HERC5: variants seen among roughly 807,000 people sequenced by gnomAD.
HERC5 encodes the protein E3 ISG15--protein ligase HERC5.
Under a neutral mutation model 119.6 loss-of-function variants are expected in HERC5, and 99 were observed. The observed-to-expected ratio is 0.83, with a 90% CI of 0.70 to 0.98. The LOEUF is 0.98. Ranked by LOEUF, HERC5 falls within the 50% of genes least tolerant of loss-of-function variation. The pLI, the probability that HERC5 is intolerant of heterozygous loss-of-function variation, is 0.00. For missense variants in HERC5, 1,267 were observed against 1,241.3 expected (o/e 1.02, Z -0.31); for synonymous variants, 478 against 445.9 (o/e 1.07, Z -0.91).
In HERC5 at chr4:88,472,505, A is replaced by G; in HGVS notation, c.1392+3A>G. On this transcript the variant is annotated splice_donor_region_variant and intron_variant, in intron 11 of 22. Transcript: ENST00000264350. ...AAAAGGACTGGATTACTAACATGGT[A>G]TCTTCAGATTGTTATGTGGAGAAAG... 7.4e-6 allele frequency: 11 copies of G among 1,493,460 alleles called. No homozygotes were observed. The highest frequency in any genetic ancestry group is 1.8e-5 in the Admixed American group (1 of 56,442). 92.5% of individuals were successfully genotyped at this position (1,493,460 alleles called of 1,614,324 possible). A position where few individuals can be genotyped will look rare whatever the true frequency, so the allele number is the denominator to read the frequency against.
chr4:88,476,413 T>C (rs1370495437), intron 12 of HERC5, among the ~76,000 whole-genome samples: 3 of 152,222 alleles, frequency 2.0e-5, no homozygotes, highest in Non-Finnish European at 4.4e-5. Context: ...ATGAGGATGC[T>C]AAGTTCTAAA....
chr4:88,493,077 G>C lies in HERC5; in HGVS notation c.2199G>C (p.Leu733=). Residue 733 remains leucine (L), a synonymous_variant, in exon 17 of 23, where the codon CTG becomes CTC. Coordinates refer to ENST00000264350, the MANE Select transcript of HERC5 (RefSeq NM_016323.4). ...TCAAGAAAGAGTTCTTCTACTGTCT[G>C]TTTGCAGAGATGATCCAGCCGGAAT... ...GGVKKEFFYC[L]FAEMIQPEYG... is the part of the protein sequence containing the mutation. 1 of 1,614,074 alleles carries C rather than the reference G, an allele frequency of 6.2e-7. No individual in the cohort carries two copies. The highest frequency in any genetic ancestry group is 1.1e-5 in the South Asian group (1 of 91,080).
intron 13 of HERC5, among the ~76,000 whole-genome samples, chr4:88,481,474 G>GT (rs1469069737): frequency 6.6e-6 from 1 of 152,060 alleles, no homozygotes; most frequent in Admixed American, 6.5e-5. Context: ...CTTTTATGGT[G>GT]TTTTTTGACA....
intron 6 of HERC5, among the ~76,000 whole-genome samples, chr4:88,466,637 A>G (rs560521128): frequency 2.0e-4 from 30 of 152,350 alleles, no homozygotes; most frequent in Admixed American, 1.6e-3. Context: ...ACACAACAGT[A>G]TAGTGGAATA....
At chr4:88,490,985 T>C (rs1221159867) in intron 16 of HERC5, among the ~76,000 whole-genome samples, 1 of 152,194 alleles carries the variant, frequency 6.6e-6, no homozygotes, top group Non-Finnish European at 1.5e-5. Context: ...AGTTCCACTT[T>C]TATATATTGT....
At chr4:88,496,044 A>C (rs181585901) in intron 18 of HERC5, among the ~76,000 whole-genome samples, 1 of 152,222 alleles carries the variant, frequency 6.6e-6, no homozygotes, top group Non-Finnish European at 1.5e-5. Flanking sequence ...GGAATACACA[A>C]ATATCTGTTA....
At chr4:88,457,666 G>A in intron 1 of HERC5, 132 bp downstream of exon 1, 1 of 1,023,626 alleles carries the variant, frequency 9.8e-7, no homozygotes, top group Non-Finnish European at 1.3e-6. Flanking sequence ...CGCCTGGCTC[G>A]GATAGTTTCG....
intron 14 of HERC5, among the ~76,000 whole-genome samples, 180 bp downstream of exon 14, chr4:88,486,408 G>A (rs1741467937): frequency 1.3e-5 from 2 of 152,210 alleles, no homozygotes; most frequent in Non-Finnish European, 2.9e-5. Context: ...CACCTTGGGA[G>A]ATGACTATGG....
Position 88,475,967 on chromosome 4 carries a change from A to G in HERC5, c.1519A>G (p.Ser507Gly). The change falls in exon 12 of 23, where the codon AGC becomes GGC. Residue 507 changes from serine (S) to glycine (G), a missense_variant. Coordinates refer to ENST00000264350, the MANE Select transcript of HERC5 (RefSeq NM_016323.4). ...GATGCATATTTCCAACAACTGGGAG[A>G]GCCTTGTGGTTCCATTTGCAAAGGT... ...PMMHISNNWESLVVPFAKVVC... is the reference protein window; with the variant it reads ...PMMHISNNWEGLVVPFAKVVC... The G allele has an allele frequency of 6.2e-7, 1 of 1,613,926 alleles. No homozygotes were observed. The highest frequency in any genetic ancestry group is 2.2e-5 in the East Asian group (1 of 44,866).
In HERC5 at chr4:88,472,521, G is replaced by C; in HGVS notation, c.1392+19G>C. The C allele has an allele frequency of 1.5e-6, 2 of 1,345,834 alleles. No homozygotes were observed. The highest frequency in any genetic ancestry group is 2.1e-6 in the Non-Finnish European group (2 of 950,610). The allele number at this position is 1,345,834 out of a possible 1,614,324, so 83.4% of individuals were successfully genotyped here. Reference sequence around the variant, plus strand: ...TAACATGGTATCTTCAGATTGTTATGTGGAGAAAGAAAATACACCAGAATA... The same window carrying C: ...TAACATGGTATCTTCAGATTGTTATCTGGAGAAAGAAAATACACCAGAATA... On this transcript the variant is annotated intron_variant, in intron 11 of 22. Transcript: ENST00000264350.
At position 88,487,142 on chromosome 4, in the gene HERC5, TTAAAC is replaced by T. The variant is rs1432241836; in HGVS notation, c.1928_1932del (p.Lys643ThrfsTer12). 2 of 1,601,930 alleles carry T rather than the reference TTAAAC, an allele frequency of 1.2e-6. No individual in the cohort carries two copies. Among genetic ancestry groups the T allele is most frequent in the Non-Finnish European group, 1.7e-6 (2 of 1,169,610 alleles). ...TTTATCTTTAATAATCTGTCGAAAA[TTAAAC>T]TACTACATACAGACACACTTTTAAA... On this transcript the variant is annotated frameshift_variant, in exon 15 of 23. Transcript: ENST00000264350. LOFTEE classifies it high-confidence loss of function.
chr4:88,481,300 A>G (rs1741269689), intron 13 of HERC5, among the ~76,000 whole-genome samples: 1 of 151,994 alleles, frequency 6.6e-6, no homozygotes, highest in Non-Finnish European at 1.5e-5. Context: ...TGATTGACCC[A>G]CCTCAGTCTC....
intron 7 of HERC5, chr4:88,468,052 T>A: frequency 4.7e-6 from 1 of 211,108 alleles, no homozygotes; most frequent in Non-Finnish European, 8.7e-6. Flanking sequence ...GGAGTTGAAT[T>A]AAACTGATAA....
At chr4:88,459,020 C>T (rs954377491) in intron 1 of HERC5, among the ~76,000 whole-genome samples, 2 of 152,092 alleles carry the variant, frequency 1.3e-5, no homozygotes, top group African/African-American at 4.8e-5. Flanking sequence ...TTCTTATAGA[C>T]CTTTTCATCT....
At chr4:88,478,234 G>T (rs1020554040) in intron 12 of HERC5, among the ~76,000 whole-genome samples, 2 of 152,102 alleles carry the variant, frequency 1.3e-5, no homozygotes, top group African/African-American at 4.8e-5. Context: ...AATAGTAATT[G>T]TATTTATTCA....
intron 9 of HERC5, 46 bp downstream of exon 9, chr4:88,469,306 A>G: frequency 8.5e-6 from 11 of 1,295,088 alleles, no homozygotes; most frequent in Non-Finnish European, 1.2e-5. Context: ...ACTCTCAAGT[A>G]TCATTTCCCA....
rs770245337 is a variant in HERC5, at chr4:88,462,232, C to T, written c.564C>T (p.Leu188=). 49 of 1,614,052 alleles carry T rather than the reference C, an allele frequency of 3.0e-5. No individual in the cohort carries two copies. Among genetic ancestry groups the T allele is most frequent in the South Asian group, 1.1e-4 (10 of 91,082 alleles). ...STTTPQIVEH[L]AGVPLAQISA... The stretch of plus-strand genomic sequence containing the variant: ...CCACACCACAGATTGTGGAGCACCT[C>T]GCAGGAGTACCCTTGGCTCAGATTT... The change falls in exon 4 of 23, where the codon CTC becomes CTT. Residue 188 remains leucine (L), a synonymous_variant. Coordinates refer to ENST00000264350, the MANE Select transcript of HERC5 (RefSeq NM_016323.4).
At chr4:88,470,524 G>T in intron 9 of HERC5, 90 bp from the exon 10 acceptor site, 1 of 690,532 alleles carries the variant, frequency 1.4e-6, no homozygotes. Flanking sequence ...ATAAGATGTG[G>T]TATTTATCAT....
chr4:88,492,066 C>T (rs534813901), intron 16 of HERC5, among the ~76,000 whole-genome samples: 17 of 152,122 alleles, frequency 1.1e-4, no homozygotes, highest in East Asian at 7.8e-4. Context: ...AGCAGTGGTG[C>T]GACCTTGGCT....
Sources: allele counts gnomAD v4.1 joint callset (sites outside exome capture counted in the v4.1 genomes callset), GRCh38; gene constraint gnomAD v4.1.1; transcripts MANE v1.5; gene names NCBI Gene and HGNC (gene_info 2026-07-23, HGNC 2026-07-21).